Variants in JARID2 observed in about 807,000 individuals in gnomAD.
The protein encoded by JARID2 is jumonji and AT-rich interaction domain containing 2, also known as protein Jumonji.
A neutral mutation model predicts 125.6 loss-of-function variants in JARID2; 21 were observed. The observed-to-expected ratio is 0.17, with a 90% confidence interval of 0.12 to 0.24. The LOEUF (loss-of-function observed/expected upper bound fraction) is 0.24. Ranked by LOEUF, JARID2 falls within the 10% of genes least tolerant of loss-of-function variation. JARID2 has a pLI of 1.00. For synonymous variants in JARID2, 736 were observed against 661.6 expected (o/e 1.11, Z -1.73); for missense variants, 1,303 against 1,639.6 (o/e 0.79, Z 3.55).
At chr6:15,467,791 A>T (rs1391101410) in intron 4 of JARID2, among the ~76,000 whole-genome samples, 1 of 152,192 alleles carries the variant, frequency 6.6e-6, no homozygotes. Flanking sequence ...CAGCTTGGGC[A>T]ACAGAGTGAG....
intron 1 of JARID2, among the ~76,000 whole-genome samples, chr6:15,368,924 G>C (rs1764069253): frequency 6.6e-6 from 1 of 151,992 alleles, no homozygotes; most frequent in Non-Finnish European, 1.5e-5. Flanking sequence ...TGCAGATTCT[G>C]AGCCCCTAGA....
intron 2 of JARID2, among the ~76,000 whole-genome samples, chr6:15,401,682 C>T (rs141064929): frequency 3.6e-4 from 55 of 152,220 alleles, no homozygotes; most frequent in African/African-American, 1.3e-3. Flanking sequence ...ATTCTTCTCC[C>T]GAATTTCGTG....
intron 1 of JARID2, among the ~76,000 whole-genome samples, chr6:15,272,773 T>A (rs965565325): frequency 6.6e-6 from 1 of 152,218 alleles, no homozygotes; most frequent in African/African-American, 2.4e-5. Context: ...CTCAGTTTTC[T>A]TATCTGTAAA....
At chr6:15,354,369 C>T (rs1305689079) in intron 1 of JARID2, among the ~76,000 whole-genome samples, 3 of 152,188 alleles carry the variant, frequency 2.0e-5, no homozygotes, top group African/African-American at 7.2e-5. Flanking sequence ...CACAGTGAAA[C>T]TGATTTTGGA....
At chr6:15,469,339 GTCTCTCTCTC>G (rs146456388) in intron 5 of JARID2, among the ~76,000 whole-genome samples, 1 of 14,214 alleles carries the variant, frequency 7.0e-5, no homozygotes, top group African/African-American at 4.0e-4. Context: ...TCTCTCTCCT[GTCTCTCTCTC>G]TCTCTCTCTC....
chr6:15,280,678 G>C (rs1237336423), intron 1 of JARID2, among the ~76,000 whole-genome samples: 1 of 150,858 alleles, frequency 6.6e-6, no homozygotes, highest in Non-Finnish European at 1.5e-5. Context: ...GCCCAGGCTG[G>C]AGTGCAGCGA....
chr6:15,397,647 A>AT (rs967095798), intron 2 of JARID2, among the ~76,000 whole-genome samples: 3 of 152,222 alleles, frequency 2.0e-5, no homozygotes, highest in African/African-American at 7.2e-5. Context: ...GTGACATGTT[A>AT]TAGAAGGTCT....
chr6:15,447,799 G>A (rs1387474447), intron 3 of JARID2, among the ~76,000 whole-genome samples: 2 of 152,230 alleles, frequency 1.3e-5, no homozygotes, highest in Non-Finnish European at 2.9e-5. Flanking sequence ...CTTTCTCCTC[G>A]TGCTTGCCAG....
chr6:15,407,638 G>A (rs1200811155), intron 2 of JARID2, among the ~76,000 whole-genome samples: 1 of 152,012 alleles, frequency 6.6e-6, no homozygotes, highest in Non-Finnish European at 1.5e-5. Context: ...CTTCCTCCTT[G>A]TCCTCTTCGT....
intron 3 of JARID2, among the ~76,000 whole-genome samples, chr6:15,450,810 T>C (rs568140076): frequency 2.2e-4 from 34 of 152,316 alleles, no homozygotes; most frequent in South Asian, 1.7e-3. Flanking sequence ...GTGTATTTAT[T>C]GGTGGAGAGA....
At chr6:15,448,986 T>G (rs919439645) in intron 3 of JARID2, among the ~76,000 whole-genome samples, 16 of 151,978 alleles carry the variant, frequency 1.1e-4, no homozygotes, top group Non-Finnish European at 2.1e-4. Context: ...AAAAAAGACA[T>G]TTGTAACAGA....
rs142233705 is a variant in JARID2 at position 15,386,486 on chromosome 6, ATGTTTGTT to A, written c.181+12248_181+12255del. Reference sequence around the variant, plus strand: ...TCCTTCTCCCTTCAGTACAGTTGACATGTTTGTTTGTTTGTTTGTTTAGAGACAGAGTC... The same window carrying A: ...TCCTTCTCCCTTCAGTACAGTTGACATGTTTGTTTGTTTAGAGACAGAGTC... On this transcript the variant is annotated intron_variant, in intron 2 of 17. Transcript: ENST00000341776. Among the ~76,000 whole-genome samples, 619 of 152,110 alleles carry A rather than the reference ATGTTTGTT, an allele frequency of 4.1e-3. 4 individuals are homozygous for A. Among genetic ancestry groups the A allele is most frequent in the Middle Eastern group, 0.024 (7 of 292 alleles).
intron 3 of JARID2, among the ~76,000 whole-genome samples, chr6:15,432,579 T>C (rs1025897313): frequency 6.6e-6 from 1 of 152,236 alleles, no homozygotes; most frequent in Non-Finnish European, 1.5e-5. Context: ...TCTAGAGGTT[T>C]CCCATTGGTT....
chr6:15,395,952 C>T (rs1319528256), intron 2 of JARID2, among the ~76,000 whole-genome samples: 3 of 152,188 alleles, frequency 2.0e-5, no homozygotes, highest in Non-Finnish European at 2.9e-5. Flanking sequence ...CTTGAGCCAC[C>T]GCAGGTGGCC....
intron 1 of JARID2, among the ~76,000 whole-genome samples, chr6:15,323,365 C>G (rs576988449): frequency 6.6e-6 from 1 of 152,106 alleles, no homozygotes; most frequent in Non-Finnish European, 1.5e-5. Flanking sequence ...CCTGGGTGTG[C>G]TACAGCACCG....
At chr6:15,247,339 G>A (rs763941823) in intron 1 of JARID2, 13 of 738,134 alleles carry the variant, frequency 1.8e-5, no homozygotes, top group Non-Finnish European at 2.0e-5. Context: ...GATTTAAATG[G>A]CTTGGAATAG....
chr6:15,382,652 A>G (rs1764633939), intron 2 of JARID2, among the ~76,000 whole-genome samples: 2 of 152,158 alleles, frequency 1.3e-5, no homozygotes, highest in African/African-American at 4.8e-5. Flanking sequence ...TTGATGAGAA[A>G]CTTAACTGGA....
chr6:15,320,884 TA>T (rs767480163), intron 1 of JARID2, among the ~76,000 whole-genome samples: 4,382 of 120,046 alleles, frequency 0.037, 112 homozygotes, highest in South Asian at 0.12. Flanking sequence ...GTGTGTGTGT[TA>T]GTTAAACTTG....
At chr6:15,441,548 T>C (rs1045677329) in intron 3 of JARID2, among the ~76,000 whole-genome samples, 4 of 152,180 alleles carry the variant, frequency 2.6e-5, no homozygotes, top group Non-Finnish European at 5.9e-5. Context: ...GAAGAAAATT[T>C]CTGTTAGTGA....
Sources: allele counts gnomAD v4.1 joint callset (sites outside exome capture counted in the v4.1 genomes callset), GRCh38; gene constraint gnomAD v4.1.1; transcripts MANE v1.5; gene names NCBI Gene and HGNC (gene_info 2026-07-23, HGNC 2026-07-21).